KCNH8: variants seen among roughly 807,000 people sequenced by gnomAD.
KCNH8 encodes the protein voltage-gated delayed rectifier potassium channel KCNH8.
In KCNH8, 70 loss-of-function variants were observed where a neutral mutation model predicts 103.6. The observed-to-expected ratio is 0.68, with a 90% CI of 0.56 to 0.82. The LOEUF is 0.82. Among genes scored for constraint, KCNH8 ranks in the 40% least tolerant of loss-of-function variants. The pLI, the probability that KCNH8 is intolerant of heterozygous loss-of-function variation, is 0.00. For missense variants in KCNH8, 1,217 were observed against 1,329.9 expected (o/e 0.92, Z 1.32); for synonymous variants, 498 against 489.4 (o/e 1.02, Z -0.23).
chr3:19,432,763 T>G (rs975917145), intron 7 of KCNH8, among the ~76,000 whole-genome samples: 1 of 152,208 alleles, frequency 6.6e-6, no homozygotes, highest in African/African-American at 2.4e-5. Context: ...AAGTATTTTA[T>G]GTAGGAAAGT....
intron 3 of KCNH8, among the ~76,000 whole-genome samples, chr3:19,283,810 G>C (rs1261674471): frequency 6.6e-6 from 1 of 151,102 alleles, no homozygotes; most frequent in Non-Finnish European, 1.5e-5. Context: ...GGTCATGGTG[G>C]TGCGCACTTG....
intron 11 of KCNH8, among the ~76,000 whole-genome samples, chr3:19,460,511 T>C (rs900539175): frequency 2.6e-5 from 4 of 152,154 alleles, no homozygotes; most frequent in Non-Finnish European, 5.9e-5. Flanking sequence ...TACCTGAACT[T>C]CTCTGTCTCC....
intron 7 of KCNH8, among the ~76,000 whole-genome samples, chr3:19,437,477 C>T (rs2067216948): frequency 1.3e-5 from 2 of 152,050 alleles, no homozygotes; most frequent in Non-Finnish European, 1.5e-5. Flanking sequence ...CACATATATA[C>T]ATAGTATCAT....
intron 3 of KCNH8, among the ~76,000 whole-genome samples, chr3:19,299,965 T>C (rs893663067): frequency 5.9e-5 from 9 of 152,182 alleles, no homozygotes; most frequent in Admixed American, 5.2e-4. Flanking sequence ...AAAGAAAATA[T>C]GGGCCAGGCA....
At chr3:19,356,314 C>T (rs2065881676) in intron 5 of KCNH8, among the ~76,000 whole-genome samples, 1 of 151,754 alleles carries the variant, frequency 6.6e-6, no homozygotes, top group South Asian at 2.1e-4. Flanking sequence ...TTTATTTTTA[C>T]CTCAGAACTC....
intron 7 of KCNH8, among the ~76,000 whole-genome samples, chr3:19,412,375 C>T (rs960531946): frequency 6.6e-6 from 1 of 151,904 alleles, no homozygotes; most frequent in African/African-American, 2.4e-5. Context: ...TACTACTTTT[C>T]ACCATATACA....
chr3:19,489,940 G>A (rs1424151312), intron 11 of KCNH8, among the ~76,000 whole-genome samples: 1 of 152,196 alleles, frequency 6.6e-6, no homozygotes, highest in Non-Finnish European at 1.5e-5. Flanking sequence ...AATGGAGTGG[G>A]CAAGTTCCAA....
intron 1 of KCNH8, among the ~76,000 whole-genome samples, chr3:19,238,043 G>A (rs900625711): frequency 6.6e-6 from 1 of 152,156 alleles, no homozygotes; most frequent in East Asian, 1.9e-4. Flanking sequence ...AATTCAAAAA[G>A]CATGGCAAGA....
intron 3 of KCNH8, among the ~76,000 whole-genome samples, chr3:19,316,417 A>G (rs1575521484): frequency 6.6e-6 from 1 of 152,096 alleles, no homozygotes; most frequent in East Asian, 1.9e-4. Flanking sequence ...ACTCTATAAC[A>G]TACAAGATTA....
chr3:19,245,267 TAAA>T (rs1341505550), intron 1 of KCNH8, among the ~76,000 whole-genome samples: 4 of 152,234 alleles, frequency 2.6e-5, no homozygotes, highest in Non-Finnish European at 2.9e-5. Flanking sequence ...CATATGGTTG[TAAA>T]TGTGTGGCTT....
intron 11 of KCNH8, among the ~76,000 whole-genome samples, chr3:19,468,707 C>T (rs1378986523): frequency 1.3e-5 from 2 of 152,118 alleles, no homozygotes; most frequent in African/African-American, 4.8e-5. Flanking sequence ...ATCTAATTTC[C>T]ATGAACTATT....
intron 3 of KCNH8, among the ~76,000 whole-genome samples, chr3:19,287,787 T>C (rs914514851): frequency 3.3e-5 from 5 of 152,174 alleles, no homozygotes; most frequent in Non-Finnish European, 7.3e-5. Context: ...GGTTTCATCA[T>C]GTTGGCCAGG....
At chr3:19,301,078 T>C (rs1409545749) in intron 3 of KCNH8, among the ~76,000 whole-genome samples, 1 of 151,472 alleles carries the variant, frequency 6.6e-6, no homozygotes, top group Non-Finnish European at 1.5e-5. Context: ...AATATTATTA[T>C]CAGTGTTTTC....
At chr3:19,304,196 A>G (rs2065099744) in intron 3 of KCNH8, among the ~76,000 whole-genome samples, 1 of 152,154 alleles carries the variant, frequency 6.6e-6, no homozygotes, top group African/African-American at 2.4e-5. Flanking sequence ...CATGAGAAAA[A>G]TTCTCAATAT....
chr3:19,483,442 G>A (rs549354506), intron 11 of KCNH8, among the ~76,000 whole-genome samples: 15 of 151,982 alleles, frequency 9.9e-5, no homozygotes, highest in Non-Finnish European at 1.5e-4. Context: ...AATAATTGAG[G>A]CTTTTAGGAC....
At chr3:19,319,612 T>G (rs575233267) in intron 3 of KCNH8, among the ~76,000 whole-genome samples, 29 of 152,212 alleles carry the variant, frequency 1.9e-4, no homozygotes, top group African/African-American at 6.7e-4. Context: ...GTCTCCAGAT[T>G]TGTTCTTTTT....
chr3:19,151,852 A>C (rs1049789993), intron 1 of KCNH8, among the ~76,000 whole-genome samples: 1 of 152,006 alleles, frequency 6.6e-6, no homozygotes, highest in Non-Finnish European at 1.5e-5. Context: ...CCATTATTGA[A>C]AAATAAAAAT....
At chr3:19,166,423 C>T (rs990629989) in intron 1 of KCNH8, among the ~76,000 whole-genome samples, 6 of 152,160 alleles carry the variant, frequency 3.9e-5, no homozygotes, top group African/African-American at 1.2e-4. Flanking sequence ...ATGCTTTGCA[C>T]AGTCAGCCTA....
chr3:19,456,296 T>G (rs1386662718), intron 10 of KCNH8, among the ~76,000 whole-genome samples: 1 of 152,054 alleles, frequency 6.6e-6, no homozygotes, highest in Non-Finnish European at 1.5e-5. Flanking sequence ...ATAGTCAATT[T>G]GACATGTTTT....
Sources: gnomAD v4.1 joint callset for allele counts (sites outside exome capture counted in the v4.1 genomes callset) on GRCh38, gnomAD v4.1.1 for gene constraint, MANE v1.5 for transcripts, NCBI Gene and HGNC (gene_info 2026-07-23, HGNC 2026-07-21) for gene names.